The following NLRP13 variants were observed in gnomAD, a reference collection of about 807,000 sequenced individuals.
NLRP13 encodes NACHT, LRR and PYD domains-containing protein 13.
A neutral mutation model predicts 94.4 loss-of-function variants in NLRP13; 82 were observed. That is an observed-to-expected ratio of 0.87 (90% confidence interval 0.73 to 1.04). The LOEUF is 1.04. Among genes scored for constraint, NLRP13 ranks in the 50% least tolerant of loss-of-function variants. The probability of loss-of-function intolerance (pLI) is 0.00; values close to 1 mark genes in which losing one functional copy is unlikely to be tolerated. For missense variants in NLRP13, 1,426 were observed against 1,230.8 expected (o/e 1.16, Z -2.37); for synonymous variants, 553 against 464.7 (o/e 1.19, Z -2.45).
intron 5 of NLRP13, among the ~76,000 whole-genome samples, chr19:55,911,478 A>C (rs1986506940): frequency 2.0e-5 from 3 of 152,200 alleles, no homozygotes; most frequent in Admixed American, 2.0e-4. Context: ...CTCCATATTC[A>C]ATGCCTAAGA....
chr19:55,912,513 A>C lies in NLRP13; in HGVS notation c.1304T>G (p.Leu435Arg). ...PMVCWTVCSC[L>R]KQPKVRYYDL... ...GTAATACCTCACCTTCGGCTGCTTC[A>C]GACAGGAACATACGGTCCAACACAC... The change falls in exon 5 of 11, where the codon CTG (leucine) becomes CGG (arginine). Residue 435 changes from leucine to arginine, a missense_variant. Coordinates refer to ENST00000342929, the MANE Select transcript of NLRP13 (RefSeq NM_176810.2). 6.2e-7 allele frequency: 1 copy of C among 1,614,194 alleles called. No individual in the cohort carries two copies. The highest frequency in any genetic ancestry group is 8.5e-7 in the Non-Finnish European group (1 of 1,180,016).
At position 55,896,287 on chromosome 19, in the gene NLRP13, G is replaced by T. The variant is rs1448895428; in HGVS notation, c.2958-168C>A. ...CGCCTGTAATCCCAGCACTTTGGGA[G>T]GCCGAGGTGGGTAGATCATGAGGTC... On this transcript the variant is annotated intron_variant, in intron 10 of 10. Transcript: ENST00000342929. Among the ~76,000 whole-genome samples, 3 of 152,108 alleles carry T rather than the reference G, an allele frequency of 2.0e-5. No homozygotes were observed. The South Asian group carries it at 6.2e-4, about 32-fold the overall frequency.
intron 4 of NLRP13, among the ~76,000 whole-genome samples, chr19:55,920,030 C>A (rs184287580): frequency 7.2e-5 from 11 of 152,154 alleles, no homozygotes; most frequent in Admixed American, 6.5e-4. Context: ...AAGCTATATA[C>A]CTACAGCTAG....
intron 4 of NLRP13, among the ~76,000 whole-genome samples, chr19:55,915,836 A>G (rs1356547259): frequency 6.6e-6 from 1 of 151,902 alleles, no homozygotes; most frequent in African/African-American, 2.4e-5. Flanking sequence ...AGACCAGCCC[A>G]TTGCCTGATG....
At chr19:55,896,254 G>C in intron 10 of NLRP13, 135 bp from the exon 11 acceptor site, 2 of 934,874 alleles carry the variant, frequency 2.1e-6, no homozygotes, top group South Asian at 3.4e-5. Flanking sequence ...GCCAGGCACA[G>C]TGGCTCACGC....
intron 6 of NLRP13, among the ~76,000 whole-genome samples, chr19:55,908,599 AG>A (rs1986419965): frequency 6.7e-6 from 1 of 149,162 alleles, no homozygotes; most frequent in Non-Finnish European, 1.5e-5. Context: ...CCATAAAAAA[AG>A]AATGAGATCA....
intron 9 of NLRP13, 79 bp downstream of exon 9, chr19:55,901,956 T>A (rs1041002675): frequency 2.1e-6 from 3 of 1,452,048 alleles, no homozygotes; most frequent in Non-Finnish European, 2.8e-6. Flanking sequence ...TCAAACCCCA[T>A]CAGGAACTCA....
intron 1 of NLRP13, among the ~76,000 whole-genome samples, chr19:55,930,252 C>G (rs1483383265): frequency 6.6e-6 from 1 of 152,230 alleles, no homozygotes; most frequent in Non-Finnish European, 1.5e-5. Flanking sequence ...CTCTCCTGGT[C>G]ACCAGCTCTG....
rs138301529 is a variant in NLRP13, at chr19:55,909,670, C to T, written c.2282+893G>A. ...GGAGTTACAAAGATAGGTACACACA[C>T]ACAAGTGGCTCTCACCAGGTTGTAG... is the stretch of plus-strand genomic sequence containing the variant. On this transcript the variant is annotated intron_variant, in intron 6 of 10. Transcript: ENST00000342929. 2.5e-3 allele frequency among the ~76,000 whole-genome samples: 386 copies of T among 152,312 alleles called. 1 individual carries two copies. Among genetic ancestry groups the T allele is most frequent in the African/African-American group, 8.8e-3 (366 of 41,554 alleles).
intron 8 of NLRP13, among the ~76,000 whole-genome samples, chr19:55,902,890 A>G (rs1192086476): frequency 9.5e-6 from 1 of 105,552 alleles, no homozygotes; most frequent in Non-Finnish European, 2.2e-5. Context: ...AATGAAATAT[A>G]TGTTACAATT....
At position 55,912,050 on chromosome 19, in the gene NLRP13, A is replaced by G. The variant is rs1392403575; in HGVS notation, c.1767T>C (p.Phe589=). The change falls in exon 5 of 11, where the codon TTT becomes TTC. Residue 589 remains phenylalanine, a synonymous_variant. Transcript: ENST00000342929. The stretch of plus-strand genomic sequence containing the variant: ...TTGCTATGTTTTTATTTAAAAGACC[A>G]AAGAAGAACAGAACCACTGGAGTCC... ...AYWTPVVLFF[F]GLLNKNIARE... is the part of the protein sequence containing the mutation. 6.2e-7 allele frequency: 1 copy of G among 1,614,104 alleles called. No individual in the cohort carries two copies. Among genetic ancestry groups the G allele is most frequent in the Non-Finnish European group, 8.5e-7 (1 of 1,180,046 alleles).
At chr19:55,903,848 T>G (rs1986261108) in intron 8 of NLRP13, among the ~76,000 whole-genome samples, 2 of 152,144 alleles carry the variant, frequency 1.3e-5, no homozygotes. Context: ...GCCCTATCTC[T>G]TGCTCATACT....
intron 8 of NLRP13, among the ~76,000 whole-genome samples, chr19:55,902,514 C>A (rs7246877): frequency 4.6e-5 from 7 of 152,024 alleles, no homozygotes; most frequent in African/African-American, 1.7e-4. Context: ...GGCGTGGGTC[C>A]AAATGGGCTT....
intron 10 of NLRP13, among the ~76,000 whole-genome samples, chr19:55,897,512 C>T (rs1325268085): frequency 1.3e-5 from 2 of 151,610 alleles, no homozygotes; most frequent in African/African-American, 4.8e-5. Flanking sequence ...TCAAAACAAA[C>T]AAAAAACCAT....
intron 4 of NLRP13, among the ~76,000 whole-genome samples, chr19:55,913,590 A>G (rs1405624498): frequency 2.7e-5 from 4 of 148,520 alleles, no homozygotes; most frequent in African/African-American, 9.9e-5. Context: ...ATATGAAGAC[A>G]GTTAAATAAT....
intron 9 of NLRP13, among the ~76,000 whole-genome samples, chr19:55,901,017 C>A (rs527489366): frequency 5.1e-4 from 77 of 152,262 alleles, no homozygotes; most frequent in African/African-American, 1.7e-3. Context: ...CCGCACATAA[C>A]CAGCACTCAG....
chr19:55,901,333 C>G (rs770175952), intron 9 of NLRP13, among the ~76,000 whole-genome samples: 1 of 152,176 alleles, frequency 6.6e-6, no homozygotes, highest in African/African-American at 2.4e-5. Context: ...GGGGTCGGAC[C>G]ACACAATCTC....
intron 9 of NLRP13, among the ~76,000 whole-genome samples, chr19:55,901,401 G>A (rs185710508): frequency 3.3e-5 from 5 of 152,280 alleles, no homozygotes; most frequent in East Asian, 3.9e-4. Flanking sequence ...GGGCACTTAA[G>A]GGAGAGAAGG....
At chr19:55,900,269 C>T (rs1986130690) in intron 9 of NLRP13, among the ~76,000 whole-genome samples, 1 of 151,992 alleles carries the variant, frequency 6.6e-6, no homozygotes, top group African/African-American at 2.4e-5. Flanking sequence ...CAAATTTTAT[C>T]AACAGGTTTT....
Sources: allele counts gnomAD v4.1 joint callset (sites outside exome capture counted in the v4.1 genomes callset), GRCh38; gene constraint gnomAD v4.1.1; transcripts MANE v1.5; gene names NCBI Gene and HGNC (gene_info 2026-07-23, HGNC 2026-07-21).